The following TRMT10C variants were observed in gnomAD, a reference collection of about 807,000 sequenced individuals.
TRMT10C encodes the protein tRNA methyltransferase 10 homolog C.
TRMT10C carries 14 observed loss-of-function variants against 27.4 expected under a neutral mutation model. The ratio of observed to expected loss-of-function variants is 0.51; its 90% CI spans 0.34 to 0.80. The LOEUF (loss-of-function observed/expected upper bound fraction) is 0.80, where lower values mean the gene tolerates loss of function less well. Ranked by LOEUF, TRMT10C falls within the 30% of genes least tolerant of loss-of-function variation. The probability of loss-of-function intolerance (pLI) is 0.02; values close to 1 mark genes in which losing one functional copy is unlikely to be tolerated. For synonymous variants in TRMT10C, 143 were observed against 155.9 expected (o/e 0.92, Z 0.62); for missense variants, 438 against 464.8 (o/e 0.94, Z 0.53).
chr3:101,563,145 A>C (rs924226225), intron 1 of TRMT10C, among the ~76,000 whole-genome samples: 6 of 152,026 alleles, frequency 3.9e-5, no homozygotes, highest in Non-Finnish European at 2.9e-5. Flanking sequence ...AGACAGTCTT[A>C]CTCTGTCGCT....
Position 101,566,015 on chromosome 3 carries a change from G to C in TRMT10C, c.*22G>C. The C allele has an allele frequency of 6.4e-7, 1 of 1,569,510 alleles. No individual in the cohort carries two copies. Among genetic ancestry groups the C allele is most frequent in the Non-Finnish European group, 8.6e-7 (1 of 1,160,176 alleles). ...TTAATTCATTTTCAAAAGGTTCTCTGAATGTGCACAGAACACGTGGCTCAA... is the reference window on the plus strand; with the variant it reads ...TTAATTCATTTTCAAAAGGTTCTCTCAATGTGCACAGAACACGTGGCTCAA... On this transcript the variant is annotated 3_prime_UTR_variant, in exon 2 of 2. Coordinates refer to ENST00000309922, the MANE Select transcript of TRMT10C (RefSeq NM_017819.4).
At chr3:101,563,600 A>G in intron 1 of TRMT10C, among the ~76,000 whole-genome samples, 1 of 152,220 alleles carries the variant, frequency 6.6e-6, no homozygotes. Context: ...GCATCTGGAC[A>G]TCAGTGCACA....
chr3:101,564,696 T>G (rs1263537316), intron 1 of TRMT10C, 74 bp from the exon 2 acceptor site: 2 of 1,364,888 alleles, frequency 1.5e-6, no homozygotes, highest in Non-Finnish European at 2.0e-6. Context: ...ATTTCAAATT[T>G]ATACTTGCAC....
intron 1 of TRMT10C, among the ~76,000 whole-genome samples, chr3:101,562,699 A>G (rs1467547481): frequency 6.7e-6 from 1 of 149,856 alleles, no homozygotes; most frequent in African/African-American, 2.5e-5. Flanking sequence ...TTTTTTTTTT[A>G]ATGAAGGAAG....
intron 1 of TRMT10C, among the ~76,000 whole-genome samples, chr3:101,564,040 G>A (rs1354404314): frequency 6.6e-6 from 1 of 151,778 alleles, no homozygotes; most frequent in Non-Finnish European, 1.5e-5. Flanking sequence ...TTTATTTGTT[G>A]CTTTTGTGAA....
intron 1 of TRMT10C, among the ~76,000 whole-genome samples, chr3:101,562,385 G>A (rs188204499): frequency 6.6e-6 from 1 of 152,306 alleles, no homozygotes; most frequent in Admixed American, 6.5e-5. Context: ...CGGGCGCGGT[G>A]GCTCACGCCT....
chr3:101,564,329 C>T (rs1934473429), intron 1 of TRMT10C, among the ~76,000 whole-genome samples: 1 of 151,116 alleles, frequency 6.6e-6, no homozygotes, highest in Non-Finnish European at 1.5e-5. Flanking sequence ...ACAATCTCGC[C>T]TCACTGCAAC....
Position 101,566,211 on chromosome 3 carries a change from T to C in TRMT10C, c.*218T>C. ...TGCAGAACTTTGGGATTATACTTTGTTTACTGTAGAAAGATAATAAAAAGA... is the reference window on the plus strand; with the variant it reads ...TGCAGAACTTTGGGATTATACTTTGCTTACTGTAGAAAGATAATAAAAAGA... On this transcript the variant is annotated 3_prime_UTR_variant, in exon 2 of 2. Transcript: ENST00000309922. 1 of 475,248 alleles carries C rather than the reference T, an allele frequency of 2.1e-6. No individual in the cohort carries two copies. The highest frequency in any genetic ancestry group is 3.8e-6 in the Non-Finnish European group (1 of 263,178). The allele number at this position is 475,248 out of a possible 1,614,324, so 29.4% of individuals were successfully genotyped here.
rs770064701 is a variant in TRMT10C at position 101,565,834 on chromosome 3, C to T, written c.1053C>T (p.Leu351=). 6.2e-7 allele frequency: 1 copy of T among 1,614,126 alleles called. No homozygotes were observed. Among genetic ancestry groups the T allele is most frequent in the Non-Finnish European group, 8.5e-7 (1 of 1,179,984 alleles). Reference sequence around the variant, plus strand: ...AATGGGAAATTGGTAACAAAAATCTCACCTTAGATCAAATGATACGTATTT... The same window carrying T: ...AATGGGAAATTGGTAACAAAAATCTTACCTTAGATCAAATGATACGTATTT... ...YLQWEIGNKN[L]TLDQMIRILL... is the part of the protein sequence containing the mutation. The change falls in exon 2 of 2, where the codon CTC becomes CTT. Residue 351 remains leucine, a synonymous_variant. Transcript: ENST00000309922.
At chr3:101,563,239 A>T (rs1047555616) in intron 1 of TRMT10C, among the ~76,000 whole-genome samples, 2 of 130,452 alleles carry the variant, frequency 1.5e-5, no homozygotes, top group East Asian at 1.9e-4. Context: ...CATCAGCCTC[A>T]CGAGTACCTG....
At chr3:101,562,390 A>G (rs1417842097) in intron 1 of TRMT10C, among the ~76,000 whole-genome samples, 2 of 152,106 alleles carry the variant, frequency 1.3e-5, no homozygotes, top group Admixed American at 6.5e-5. Context: ...GCGGTGGCTC[A>G]CGCCTGTAAT....
chr3:101,564,772 G>C lies in TRMT10C; in HGVS notation c.-10G>C. ...ATTGCATTTTTCTTCTTTTACAGGG[G>C]TTTTGTTACATGGCTGCTTTCCTCA... On this transcript the variant is annotated splice_region_variant and 5_prime_UTR_variant, in exon 2 of 2. Transcript: ENST00000309922. 1 of 1,507,508 alleles carries C rather than the reference G, an allele frequency of 6.6e-7. No homozygotes were observed. Among genetic ancestry groups the C allele is most frequent in the African/African-American group, 1.4e-5 (1 of 71,804 alleles). The allele number at this position is 1,507,508 out of a possible 1,614,324, so 93.4% of individuals were successfully genotyped here.
chr3:101,563,929 TC>T (rs2031376984), intron 1 of TRMT10C, among the ~76,000 whole-genome samples: 2 of 152,234 alleles, frequency 1.3e-5, no homozygotes, highest in African/African-American at 4.8e-5. Context: ...TATTTTTTGA[TC>T]AGTAGATCTT....
Position 101,565,094 on chromosome 3 carries a change from G to A in TRMT10C, c.313G>A (p.Gly105Ser), listed in dbSNP as rs1424104686. The A allele has an allele frequency of 3.1e-6, 5 of 1,613,678 alleles. No homozygotes were observed. The highest frequency in any genetic ancestry group is 4.5e-5 in the East Asian group (2 of 44,878). ...REFIEMWRLL[G>S]REVPEHITEE... ...GTTCATTGAGATGTGGAGATTGCTT[G>A]GCAGAGAAGTACCAGAACACATCAC... Residue 105 changes from glycine (G) to serine (S), a missense_variant, in exon 2 of 2, where the codon GGC (glycine) becomes AGC (serine). Around this residue, in one of 3 missense-constraint regions of TRMT10C, gnomAD observed 350 missense variants for 370.5 expected, o/e 0.94. Coordinates refer to ENST00000309922, the MANE Select transcript of TRMT10C (RefSeq NM_017819.4).
At chr3:101,564,256 CTTTT>C (rs11410961) in intron 1 of TRMT10C, among the ~76,000 whole-genome samples, 1 of 121,480 alleles carries the variant, frequency 8.2e-6, no homozygotes, top group Admixed American at 9.0e-5. Flanking sequence ...AAGAACCCAA[CTTTT>C]TTTTTTTTTT....
At position 101,565,771 on chromosome 3, in the gene TRMT10C, C is replaced by T. The variant is rs754546905; in HGVS notation, c.990C>T (p.Asn330=). Residue 330 remains asparagine, a synonymous_variant, in exon 2 of 2, where the codon AAC becomes AAT. Coordinates refer to ENST00000309922, the MANE Select transcript of TRMT10C (RefSeq NM_017819.4). ...CCCTAGCCAAGGCAAAACGGCTGAACCTGGCAACTGAATGCCTTCCATTAG... is the reference window on the plus strand; with the variant it reads ...CCCTAGCCAAGGCAAAACGGCTGAATCTGGCAACTGAATGCCTTCCATTAG... ...GTSLAKAKRL[N]LATECLPLDK... 4.6e-5 allele frequency: 75 copies of T among 1,613,992 alleles called. No homozygotes were observed. The highest frequency in any genetic ancestry group is 6.2e-5 in the Non-Finnish European group (73 of 1,180,000).
intron 1 of TRMT10C, among the ~76,000 whole-genome samples, chr3:101,562,371 G>T (rs1934430687): frequency 6.6e-6 from 1 of 152,230 alleles, no homozygotes; most frequent in South Asian, 2.1e-4. Context: ...AAGGGAGGCT[G>T]AGCCGGGCGC....
In TRMT10C at chr3:101,566,176, A is replaced by T. The variant is rs140769983; in HGVS notation, c.*183A>T. On this transcript the variant is annotated 3_prime_UTR_variant, in exon 2 of 2. Transcript: ENST00000309922. ...GACTGTAGGGTTGTGTCTTTTCCCA[A>T]TTAAATATCTGCAGAACTTTGGGAT... 219 of 609,072 alleles carry T rather than the reference A, an allele frequency of 3.6e-4. 2 individuals are homozygous for T. The highest frequency in any genetic ancestry group is 3.0e-3 in the African/African-American group (162 of 54,098). 37.7% of individuals were successfully genotyped at this position (609,072 alleles called of 1,614,324 possible).
At position 101,564,998 on chromosome 3, in the gene TRMT10C, A is replaced by G; in HGVS notation, c.217A>G (p.Ser73Gly). ...TAAGTGGAAAACTACCATGAAATCT[A>G]GTGTGCAAGAAGAATGTGTTTCAAC... ...LDKWKTTMKS[S>G]VQEECVSTIS... Residue 73 changes from serine to glycine, a missense_variant, in exon 2 of 2, where the codon AGT becomes GGT. Coordinates refer to ENST00000309922, the MANE Select transcript of TRMT10C (RefSeq NM_017819.4). The G allele has an allele frequency of 6.2e-7, 1 of 1,614,028 alleles. No individual in the cohort carries two copies. Among genetic ancestry groups the G allele is most frequent in the Non-Finnish European group, 8.5e-7 (1 of 1,180,020 alleles).
Sources: allele counts gnomAD v4.1 joint callset (sites outside exome capture counted in the v4.1 genomes callset), GRCh38; gene constraint gnomAD v4.1.1; regional missense constraint gnomAD v4.1.1; transcripts MANE v1.5; gene names NCBI Gene and HGNC (gene_info 2026-07-23, HGNC 2026-07-21).